The following YAP1 variants were observed in gnomAD, a reference collection of about 807,000 sequenced individuals.
YAP1 encodes transcriptional coactivator YAP1.
Under a neutral mutation model 56.9 loss-of-function variants are expected in YAP1, and 5 were observed. The observed-to-expected ratio is 0.09, with a 90% CI of 0.05 to 0.18. The LOEUF (loss-of-function observed/expected upper bound fraction) is 0.18, where lower values mean the gene tolerates loss of function less well. Ranked by LOEUF, YAP1 falls within the 10% of genes least tolerant of loss-of-function variation. YAP1 has a pLI of 1.00. For synonymous variants in YAP1, 265 were observed against 248.1 expected (o/e 1.07, Z -0.64); for missense variants, 539 against 651.8 (o/e 0.83, Z 1.88).
At chr11:102,128,016 T>A (rs1367938362) in intron 2 of YAP1, among the ~76,000 whole-genome samples, 1 of 152,206 alleles carries the variant, frequency 6.6e-6, no homozygotes, top group Admixed American at 6.5e-5. Context: ...CCGCATTGTA[T>A]CTAGGAAGTA....
intron 5 of YAP1, among the ~76,000 whole-genome samples, chr11:102,208,886 G>A (rs1213659846): frequency 6.6e-6 from 1 of 152,132 alleles, no homozygotes; most frequent in Non-Finnish European, 1.5e-5. Flanking sequence ...TCATCCTGGG[G>A]TTTTTTGGTG....
intron 6 of YAP1, among the ~76,000 whole-genome samples, chr11:102,218,313 T>TAC (rs1196425278): frequency 1.3e-5 from 2 of 152,232 alleles, no homozygotes; most frequent in East Asian, 3.8e-4. Context: ...GCATATAACC[T>TAC]ACACACATCC....
intron 2 of YAP1, among the ~76,000 whole-genome samples, chr11:102,157,907 T>TA (rs1221208753): frequency 6.6e-6 from 1 of 152,236 alleles, no homozygotes; most frequent in Non-Finnish European, 1.5e-5. Flanking sequence ...GTTAGGGGCT[T>TA]AAACACTTGA....
At chr11:102,114,630 A>G (rs1321440264) in intron 2 of YAP1, among the ~76,000 whole-genome samples, 1 of 152,156 alleles carries the variant, frequency 6.6e-6, no homozygotes, top group Non-Finnish European at 1.5e-5. Flanking sequence ...GAGCCTCTTT[A>G]TAATCTTTTC....
chr11:102,229,630 T>C (rs1039323798), intron 8 of YAP1, 72 bp from the exon 9 acceptor site: 3 of 1,405,682 alleles, frequency 2.1e-6, no homozygotes, highest in Non-Finnish European at 3.0e-6. Flanking sequence ...TGCATTTCTC[T>C]GTGCTCATAT....
At chr11:102,120,703 G>A (rs1384710898) in intron 2 of YAP1, among the ~76,000 whole-genome samples, 2 of 152,164 alleles carry the variant, frequency 1.3e-5, no homozygotes, top group African/African-American at 4.8e-5. Context: ...TGTTTTTAAA[G>A]TAAGGTATTT....
chr11:102,183,739 T>TGTGTGTGTGTGTGTGTGTGTGTGTG (rs1565241068), intron 3 of YAP1, among the ~76,000 whole-genome samples: 17 of 150,764 alleles, frequency 1.1e-4, no homozygotes, highest in African/African-American at 4.1e-4. Context: ...TGTGTGTGTG[T>TGTGTGTGTGTGTGTGTGTGTGTGTG]TTAAACCACA....
At chr11:102,187,428 A>G (rs769265040) in intron 4 of YAP1, among the ~76,000 whole-genome samples, 24 of 152,224 alleles carry the variant, frequency 1.6e-4, no homozygotes, top group Non-Finnish European at 5.9e-5. Flanking sequence ...TACTATTTGA[A>G]TTAGCCCTTG....
At chr11:102,161,053 C>CTTTTTTTTTTTTTTTTTT (rs67023819) in intron 2 of YAP1, among the ~76,000 whole-genome samples, 2 of 75,492 alleles carry the variant, frequency 2.6e-5, no homozygotes, top group Admixed American at 1.9e-4. Context: ...TAATTTCTTT[C>CTTTTTTTTTTTTTTTTTT]TTTTTTTTTT....
chr11:102,194,655 G>C (rs1948482903), intron 4 of YAP1, among the ~76,000 whole-genome samples: 1 of 152,112 alleles, frequency 6.6e-6, no homozygotes, highest in Non-Finnish European at 1.5e-5. Flanking sequence ...AGGGTGGTGG[G>C]AACCTGCTTG....
chr11:102,168,672 C>T (rs1483931363), intron 3 of YAP1, among the ~76,000 whole-genome samples: 9 of 152,116 alleles, frequency 5.9e-5, no homozygotes, highest in African/African-American at 1.7e-4. Flanking sequence ...GTGCTAAGCA[C>T]CTTCCTTGAA....
In YAP1 at chr11:102,113,450, G is replaced by C. The variant is rs192573099; in HGVS notation, c.322-694G>C. On this transcript the variant is annotated intron_variant, in intron 1 of 8. Transcript: ENST00000282441. ...TCTGAATGCAGAATTTTTTCTGCTT[G>C]TATAGAGTTGTGGATGTGTGTGAGT... Among the ~76,000 whole-genome samples, 4 of 152,276 alleles carry C rather than the reference G, an allele frequency of 2.6e-5. No individual in the cohort carries two copies. In the East Asian group the frequency reaches 7.7e-4, roughly 29 times the overall value.
At chr11:102,200,180 A>T (rs1313375621) in intron 4 of YAP1, among the ~76,000 whole-genome samples, 1 of 152,224 alleles carries the variant, frequency 6.6e-6, no homozygotes, top group Non-Finnish European at 1.5e-5. Flanking sequence ...TTAATAAAAT[A>T]AAAAATCTGG....
intron 4 of YAP1, among the ~76,000 whole-genome samples, chr11:102,205,214 C>A (rs1949060659): frequency 6.6e-6 from 1 of 151,692 alleles, no homozygotes; most frequent in South Asian, 2.1e-4. Context: ...TCAAATGAGA[C>A]AAATCCATGT....
rs144954338 is a variant in YAP1 at position 102,185,597 on chromosome 11, A to G, written c.689-421A>G. ...TAAATAGAATGTTTATGATATTTTC[A>G]ACGTTCTAAAAATACTTGCATGTAT... On this transcript the variant is annotated intron_variant, in intron 3 of 8. Coordinates refer to ENST00000282441, the MANE Select transcript of YAP1 (RefSeq NM_001130145.3). Among the ~76,000 whole-genome samples, 844 of 152,338 alleles carry G rather than the reference A, an allele frequency of 5.5e-3. 6 individuals carry two copies. Among genetic ancestry groups the G allele is most frequent in the African/African-American group, 0.019 (808 of 41,572 alleles).
At chr11:102,197,028 T>TA (rs1182040811) in intron 4 of YAP1, among the ~76,000 whole-genome samples, 1 of 152,194 alleles carries the variant, frequency 6.6e-6, no homozygotes, top group East Asian at 1.9e-4. Context: ...AGTAAACACT[T>TA]AGAGCCAGGA....
chr11:102,227,375 G>C (rs981478782), intron 7 of YAP1, 94 bp from the exon 8 acceptor site: 20 of 839,700 alleles, frequency 2.4e-5, no homozygotes, highest in Non-Finnish European at 3.7e-5. Flanking sequence ...AATCCTCTTT[G>C]AGAATTATGT....
chr11:102,174,747 A>T (rs930500371), intron 3 of YAP1, among the ~76,000 whole-genome samples: 2 of 152,182 alleles, frequency 1.3e-5, no homozygotes, highest in Non-Finnish European at 1.5e-5. Flanking sequence ...GGATACAAAG[A>T]CAAAAAAGTC....
chr11:102,133,206 T>A (rs1245439479), intron 2 of YAP1, among the ~76,000 whole-genome samples: 1 of 152,166 alleles, frequency 6.6e-6, no homozygotes, highest in Non-Finnish European at 1.5e-5. Context: ...TAAAAAATAC[T>A]AGGATTTTAC....
Sources: gnomAD v4.1 joint callset for allele counts (sites outside exome capture counted in the v4.1 genomes callset) on GRCh38, gnomAD v4.1.1 for gene constraint, MANE v1.5 for transcripts, NCBI Gene and HGNC (gene_info 2026-07-23, HGNC 2026-07-21) for gene names.